The following DOCK9 variants were observed in gnomAD, a reference collection of about 807,000 sequenced individuals.
DOCK9 encodes the protein dedicator of cytokinesis protein 9.
DOCK9 carries 89 observed loss-of-function variants against 263.3 expected under a neutral mutation model. The observed-to-expected ratio is 0.34, with a 90% CI of 0.28 to 0.40. The LOEUF (loss-of-function observed/expected upper bound fraction) is 0.40. DOCK9 is among the 10% of genes least tolerant of loss of function. The pLI is 1.00. For synonymous variants in DOCK9, 976 were observed against 973.1 expected (o/e 1.00, Z -0.06); for missense variants, 2,140 against 2,603.4 (o/e 0.82, Z 3.87).
intron 7 of DOCK9, among the ~76,000 whole-genome samples, chr13:98,919,219 C>T (rs1276833619): frequency 1.3e-5 from 2 of 151,906 alleles, no homozygotes; most frequent in Admixed American, 1.3e-4. Context: ...AAGTGATTCT[C>T]CTGCCTCAGC....
At chr13:98,981,228 T>C (rs1485698296), upstream of DOCK9, among the ~76,000 whole-genome samples, 1 of 151,976 alleles carries the variant, frequency 6.6e-6, no homozygotes, top group Non-Finnish European at 1.5e-5. Flanking sequence ...GGCTAATTTT[T>C]ATATTTTCTG....
chr13:98,996,628 C>T (rs1449925604), intron 1 of DOCK9, among the ~76,000 whole-genome samples: 1 of 152,228 alleles, frequency 6.6e-6, no homozygotes, highest in African/African-American at 2.4e-5. Context: ...GCTTTGAATG[C>T]AGCCCAACAC....
intron 1 of DOCK9, among the ~76,000 whole-genome samples, chr13:99,065,349 T>A (rs1384688462): frequency 2.6e-5 from 4 of 152,022 alleles, no homozygotes; most frequent in Admixed American, 6.6e-5. Context: ...AGCTTTCTAA[T>A]CCCACCCAAT....
intron 1 of DOCK9, among the ~76,000 whole-genome samples, chr13:99,025,791 C>G (rs1886637521): frequency 6.6e-6 from 1 of 152,146 alleles, no homozygotes; most frequent in Non-Finnish European, 1.5e-5. Flanking sequence ...TTGGAAACAA[C>G]ACAAATGTCC....
chr13:98,840,920 A>G (rs1415771674), intron 38 of DOCK9, among the ~76,000 whole-genome samples: 2 of 152,252 alleles, frequency 1.3e-5, no homozygotes, highest in African/African-American at 2.4e-5. Context: ...TTGCTGAAAG[A>G]ACTCTCCAAA....
chr13:98,909,946 A>T (rs2049742023), intron 9 of DOCK9, among the ~76,000 whole-genome samples: 1 of 152,204 alleles, frequency 6.6e-6, no homozygotes, highest in Non-Finnish European at 1.5e-5. Context: ...TGCTTAAAAC[A>T]AAGTTAAAAG....
At chr13:99,015,796 C>T (rs1885315520) in intron 1 of DOCK9, 1 of 1,295,634 alleles carries the variant, frequency 7.7e-7, no homozygotes, top group African/African-American at 1.5e-5. Context: ...GACAAAAAAT[C>T]CAGACTCCGA....
chr13:98,981,104 T>C (rs544526979), upstream of DOCK9, among the ~76,000 whole-genome samples: 2 of 151,896 alleles, frequency 1.3e-5, no homozygotes, highest in Non-Finnish European at 2.9e-5. Context: ...CTGCCCAGAC[T>C]GGAGTGCAGT....
intron 2 of DOCK9, among the ~76,000 whole-genome samples, chr13:98,934,486 C>A (rs2054498900): frequency 6.6e-6 from 1 of 152,024 alleles, no homozygotes; most frequent in South Asian, 2.1e-4. Flanking sequence ...TTTAGAATTG[C>A]AAAAAATAAT....
intron 1 of DOCK9, among the ~76,000 whole-genome samples, chr13:98,987,181 T>A (rs1428400219): frequency 6.6e-6 from 1 of 152,182 alleles, no homozygotes; most frequent in East Asian, 1.9e-4. Context: ...AAAAATTGAT[T>A]AAAGTGTCAG....
intron 1 of DOCK9, among the ~76,000 whole-genome samples, chr13:99,055,418 A>C (rs2040871259): frequency 1.3e-5 from 2 of 152,186 alleles, no homozygotes; most frequent in African/African-American, 4.8e-5. Context: ...AGGAAGTGGG[A>C]ACGTCTGCGT....
chr13:98,971,305 C>A (rs1477226951), intron 1 of DOCK9, among the ~76,000 whole-genome samples: 1 of 152,228 alleles, frequency 6.6e-6, no homozygotes, highest in Non-Finnish European at 1.5e-5. Flanking sequence ...TAGAGCACAC[C>A]TGCACAAATG....
At chr13:98,938,158 G>C (rs1338915586) in intron 2 of DOCK9, among the ~76,000 whole-genome samples, 3 of 152,216 alleles carry the variant, frequency 2.0e-5, no homozygotes, top group Non-Finnish European at 4.4e-5. Flanking sequence ...ACGTTACCCT[G>C]ACCCCACTGA....
intron 7 of DOCK9, among the ~76,000 whole-genome samples, chr13:98,918,185 A>T (rs780363908): frequency 6.6e-6 from 1 of 152,194 alleles, no homozygotes; most frequent in African/African-American, 2.4e-5. Flanking sequence ...GTGAGCCCCA[A>T]ATTGCCTCAG....
intron 1 of DOCK9, among the ~76,000 whole-genome samples, chr13:98,959,775 GAA>G (rs901471337): frequency 6.6e-6 from 1 of 152,242 alleles, no homozygotes; most frequent in African/African-American, 2.4e-5. Flanking sequence ...AGAAATGGCA[GAA>G]GAGAGGGGCT....
At chr13:98,975,036 T>C (rs1357270180) in intron 1 of DOCK9, among the ~76,000 whole-genome samples, 1 of 152,120 alleles carries the variant, frequency 6.6e-6, no homozygotes, top group Non-Finnish European at 1.5e-5. Flanking sequence ...ACAAATTAAA[T>C]AACGATCCAA....
At chr13:99,057,590 T>C (rs2040984842) in intron 1 of DOCK9, among the ~76,000 whole-genome samples, 1 of 152,194 alleles carries the variant, frequency 6.6e-6, no homozygotes, top group Non-Finnish European at 1.5e-5. Flanking sequence ...CACCTAAAGG[T>C]TTCCATAACA....
chr13:98,819,842 T>C (rs77367649), intron 45 of DOCK9, among the ~76,000 whole-genome samples: 4,061 of 152,348 alleles, frequency 0.027, 66 homozygotes, highest in Middle Eastern at 0.054. Flanking sequence ...TCTATGGATA[T>C]AAACACTTAA....
At chr13:98,845,829 T>G in intron 38 of DOCK9, 95 bp downstream of exon 38, 3 of 1,492,160 alleles carry the variant, frequency 2.0e-6, no homozygotes, top group Non-Finnish European at 2.7e-6. Context: ...GAAGAAAAAT[T>G]GAGTTGGTGA....
Sources: allele counts gnomAD v4.1 joint callset (sites outside exome capture counted in the v4.1 genomes callset), GRCh38; gene constraint gnomAD v4.1.1; transcripts MANE v1.5; gene names NCBI Gene and HGNC (gene_info 2026-07-23, HGNC 2026-07-21).